The following CSMD3 variants were observed in gnomAD, a reference collection of about 807,000 sequenced individuals.
CSMD3 encodes the protein CUB and sushi domain-containing protein 3.
In CSMD3, 177 loss-of-function variants were observed where a neutral mutation model predicts 435.2. That is an observed-to-expected ratio of 0.41 (90% CI 0.36 to 0.46). The LOEUF (loss-of-function observed/expected upper bound fraction) is 0.46, where lower values mean the gene tolerates loss of function less well. CSMD3 is among the 20% of genes least tolerant of loss of function. The pLI is 0.34. For synonymous variants in CSMD3, 1,656 were observed against 1,520.5 expected (o/e 1.09, Z -2.07); for missense variants, 4,265 against 4,504.6 (o/e 0.95, Z 1.52).
chr8:112,281,133 T>C (rs1233729805), intron 59 of CSMD3, 41 bp downstream of exon 59: 1 of 1,428,620 alleles, frequency 7.0e-7, no homozygotes, highest in Non-Finnish European at 9.9e-7. Context: ...ATCAATACTT[T>C]CATATAATTA....
At chr8:113,129,135 A>AT (rs2091218887) in intron 4 of CSMD3, among the ~76,000 whole-genome samples, 1 of 152,168 alleles carries the variant, frequency 6.6e-6, no homozygotes, top group Non-Finnish European at 1.5e-5. Context: ...GGATTTTCAT[A>AT]TACACAGAGT....
intron 50 of CSMD3, chr8:112,310,761 A>G (rs567025431): frequency 1.3e-4 from 84 of 638,828 alleles, no homozygotes; most frequent in African/African-American, 1.3e-3. Context: ...GTCAAGGCAT[A>G]TAAGTTGCAT....
At chr8:113,036,842 T>A (rs2087374290) in intron 5 of CSMD3, among the ~76,000 whole-genome samples, 1 of 152,084 alleles carries the variant, frequency 6.6e-6, no homozygotes, top group Non-Finnish European at 1.5e-5. Flanking sequence ...ATGTTAGAAC[T>A]TTCAAAAATT....
chr8:113,154,837 T>A (rs1024751798), intron 4 of CSMD3, among the ~76,000 whole-genome samples: 1 of 152,044 alleles, frequency 6.6e-6, no homozygotes, highest in African/African-American at 2.4e-5. Context: ...TGTCATATCC[T>A]TCTTTTCTAT....
chr8:112,380,410 A>G lies in CSMD3; in HGVS notation c.6078T>C (p.Tyr2026=). 3 of 1,603,344 alleles carry G rather than the reference A, an allele frequency of 1.9e-6. No homozygotes were observed. The highest frequency in any genetic ancestry group is 2.6e-6 in the Non-Finnish European group (3 of 1,170,568). Residue 2026 remains tyrosine, a synonymous_variant, in exon 38 of 71, where the codon TAT becomes TAC. Transcript: ENST00000297405. Reference sequence around the variant, plus strand: ...CACTGATGTCTGATTGAAAATTTAGATACAGATTATTAGACGTACTATTCA... The same window carrying G: ...CACTGATGTCTGATTGAAAATTTAGGTACAGATTATTAGACGTACTATTCA... ...HLLNSTSNNL[Y]LNFQSDISVS...
At chr8:113,218,412 T>C (rs1198717149) in intron 3 of CSMD3, among the ~76,000 whole-genome samples, 3 of 150,530 alleles carry the variant, frequency 2.0e-5, no homozygotes, top group Non-Finnish European at 4.5e-5. Context: ...AAAGCAATTA[T>C]TTTTGTTCAG....
chr8:113,077,618 G>A (rs749862661), intron 5 of CSMD3, among the ~76,000 whole-genome samples: 3 of 152,024 alleles, frequency 2.0e-5, no homozygotes, highest in Non-Finnish European at 4.4e-5. Context: ...CAGGAGAATC[G>A]CTTGAACCTG....
intron 5 of CSMD3, among the ~76,000 whole-genome samples, chr8:113,083,046 G>A (rs142824391): frequency 4.1e-4 from 63 of 152,238 alleles, no homozygotes; most frequent in African/African-American, 1.4e-3. Context: ...AGCTGAAAAC[G>A]TCCCATGTCT....
intron 1 of CSMD3, among the ~76,000 whole-genome samples, chr8:113,338,763 G>A (rs2132828417): frequency 6.6e-6 from 1 of 151,754 alleles, no homozygotes; most frequent in African/African-American, 2.4e-5. Flanking sequence ...TTGATAATAG[G>A]GTTTTTCTTT....
At chr8:112,991,524 G>T (rs1336487749) in intron 6 of CSMD3, among the ~76,000 whole-genome samples, 2 of 151,788 alleles carry the variant, frequency 1.3e-5, no homozygotes, top group South Asian at 2.1e-4. Flanking sequence ...CCGAATCTGT[G>T]CAGTTCTTGC....
chr8:113,321,839 CATTG>C (rs1390790949), intron 1 of CSMD3, among the ~76,000 whole-genome samples: 10 of 152,084 alleles, frequency 6.6e-5, no homozygotes, highest in African/African-American at 2.2e-4. Context: ...GTAAATTTCA[CATTG>C]ATTGAAATGA....
intron 35 of CSMD3, among the ~76,000 whole-genome samples, chr8:112,396,440 T>G (rs1386590801): frequency 6.6e-6 from 1 of 152,194 alleles, no homozygotes. Flanking sequence ...CTTTTGCTTG[T>G]GTTTTACCAA....
chr8:112,392,883 T>TTTTA, intron 35 of CSMD3, among the ~76,000 whole-genome samples: 1 of 143,574 alleles, frequency 7.0e-6, no homozygotes, highest in Non-Finnish European at 1.5e-5. Context: ...TTTTTTTTTT[T>TTTTA]GAAACAAGCT....
At chr8:112,447,522 T>C (rs917926264) in intron 32 of CSMD3, among the ~76,000 whole-genome samples, 4 of 152,146 alleles carry the variant, frequency 2.6e-5, no homozygotes, top group Non-Finnish European at 4.4e-5. Flanking sequence ...AGATTTTGGC[T>C]CTATGATGAC....
intron 10 of CSMD3, among the ~76,000 whole-genome samples, chr8:112,864,506 C>T (rs2080920343): frequency 6.6e-6 from 1 of 152,078 alleles, no homozygotes; most frequent in African/African-American, 2.4e-5. Context: ...CCGCCTCAGC[C>T]TCCGGAAATG....
At chr8:112,757,521 T>C (rs80275967) in intron 13 of CSMD3, among the ~76,000 whole-genome samples, 1 of 152,148 alleles carries the variant, frequency 6.6e-6, no homozygotes, top group Non-Finnish European at 1.5e-5. Context: ...GCTCCCATCA[T>C]CAATATAGGG....
intron 16 of CSMD3, among the ~76,000 whole-genome samples, chr8:112,671,428 T>G (rs1668847985): frequency 6.6e-6 from 1 of 152,112 alleles, no homozygotes; most frequent in African/African-American, 2.4e-5. Flanking sequence ...CAAACATAAA[T>G]GATCTAATCA....
intron 40 of CSMD3, among the ~76,000 whole-genome samples, chr8:112,349,489 C>T (rs956786001): frequency 1.3e-5 from 2 of 152,040 alleles, no homozygotes; most frequent in African/African-American, 4.8e-5. Flanking sequence ...AAGATCTAAA[C>T]TCTGTGCTTT....
At chr8:113,012,133 T>C (rs1489501168) in intron 6 of CSMD3, among the ~76,000 whole-genome samples, 1 of 151,868 alleles carries the variant, frequency 6.6e-6, no homozygotes, top group African/African-American at 2.4e-5. Flanking sequence ...CAAAATTCTG[T>C]TCTCTTAAAA....
Sources: allele counts gnomAD v4.1 joint callset (sites outside exome capture counted in the v4.1 genomes callset), GRCh38; gene constraint gnomAD v4.1.1; transcripts MANE v1.5; gene names NCBI Gene and HGNC (gene_info 2026-07-23, HGNC 2026-07-21).